DLGAP1: variants seen among roughly 807,000 people sequenced by gnomAD.
The protein encoded by DLGAP1 is DLG associated protein 1.
In DLGAP1, 11 loss-of-function variants were observed where a neutral mutation model predicts 90.8. That is an observed-to-expected ratio of 0.12 (90% confidence interval 0.08 to 0.20). The LOEUF is 0.20. Ranked by LOEUF, DLGAP1 falls within the 10% of genes least tolerant of loss-of-function variation. DLGAP1 has a pLI of 1.00. For synonymous variants in DLGAP1, 558 were observed against 540.7 expected (o/e 1.03, Z -0.44); for missense variants, 1,050 against 1,333.8 (o/e 0.79, Z 3.31).
rs572270491 is a variant in DLGAP1 at position 3,645,612 on chromosome 18, A to T, written c.1592-63364T>A. Among the ~76,000 whole-genome samples, 3 of 152,120 alleles carry T rather than the reference A, an allele frequency of 2.0e-5. No individual in the cohort carries two copies. The South Asian group carries it at 6.2e-4, about 32-fold the overall frequency. On this transcript the variant is annotated intron_variant, in intron 7 of 12. Transcript: ENST00000315677. ...TCTGCATAGCTTGCAAAACCTAGAC[A>T]TGTGCACTGGGGCATCCTTCTGATC...
At chr18:3,884,874 TA>T (rs1035294235) in intron 3 of DLGAP1, among the ~76,000 whole-genome samples, 33 of 152,306 alleles carry the variant, frequency 2.2e-4, no homozygotes, top group Admixed American at 5.2e-4. Context: ...AAGAAGGTCA[TA>T]AAAAATGGCA....
At chr18:4,072,412 A>T (rs962222833) in intron 2 of DLGAP1, among the ~76,000 whole-genome samples, 1 of 151,828 alleles carries the variant, frequency 6.6e-6, no homozygotes, top group African/African-American at 2.4e-5. Context: ...CATCAGCATC[A>T]TCATTTTCAT....
chr18:4,053,723 T>C (rs1598312362), intron 2 of DLGAP1, among the ~76,000 whole-genome samples: 1 of 152,160 alleles, frequency 6.6e-6, no homozygotes, highest in East Asian at 1.9e-4. Context: ...GTGAGCCAAT[T>C]AAACCTCTTA....
At position 3,499,167 on chromosome 18, in the gene DLGAP1, G is replaced by A. The variant is rs768857494; in HGVS notation, c.*18C>T. Reference sequence around the variant, plus strand: ...GAGGGGACAGATGCTTGGCGGCGGCGGCCGGGCTGCGGGGCGCTCAGAGCC... The same window carrying A: ...GAGGGGACAGATGCTTGGCGGCGGCAGCCGGGCTGCGGGGCGCTCAGAGCC... On this transcript the variant is annotated 3_prime_UTR_variant, in exon 13 of 13. Transcript: ENST00000315677. This position sits in a 1 kb window ranked among gnomAD's most constrained non-coding sequence, Gnocchi z 6.4. The A allele has an allele frequency of 1.3e-6, 2 of 1,539,638 alleles. No individual in the cohort carries two copies. The highest frequency in any genetic ancestry group is 1.7e-6 in the Non-Finnish European group (2 of 1,150,698).
chr18:4,016,806 G>T (rs2074530949), intron 2 of DLGAP1, among the ~76,000 whole-genome samples: 1 of 152,180 alleles, frequency 6.6e-6, no homozygotes, highest in African/African-American at 2.4e-5. Context: ...CAGGGTCAGT[G>T]CCTTACTTCC....
At chr18:4,376,847 C>T (rs762996226) in intron 1 of DLGAP1, among the ~76,000 whole-genome samples, 46 of 152,110 alleles carry the variant, frequency 3.0e-4, no homozygotes, top group Non-Finnish European at 5.6e-4. Context: ...TCGAACTTGG[C>T]ATTGTGCATT....
At chr18:3,894,992 C>T (rs78494631) in intron 3 of DLGAP1, among the ~76,000 whole-genome samples, 3,786 of 152,208 alleles carry the variant, frequency 0.025, 158 homozygotes, top group African/African-American at 0.085. Context: ...TTTATACTTG[C>T]TATGGTTTTT....
chr18:3,851,683 A>G (rs1428429817), intron 4 of DLGAP1, among the ~76,000 whole-genome samples: 3 of 152,212 alleles, frequency 2.0e-5, no homozygotes, highest in Admixed American at 2.0e-4. Flanking sequence ...GTAAAAAAAT[A>G]AAAGAAACAT....
chr18:4,340,617 A>G (rs886068675), intron 1 of DLGAP1, among the ~76,000 whole-genome samples: 2 of 132,468 alleles, frequency 1.5e-5, no homozygotes, highest in African/African-American at 6.0e-5. Flanking sequence ...TGTTATTAAG[A>G]AAAAAAAAAC....
chr18:3,566,768 T>C (rs1568208603), intron 9 of DLGAP1, among the ~76,000 whole-genome samples: 1 of 152,174 alleles, frequency 6.6e-6, no homozygotes, highest in African/African-American at 2.4e-5. Context: ...CAGCCAACAT[T>C]TGCTGTATAT....
At chr18:4,238,515 T>A (rs1164993882) in intron 1 of DLGAP1, among the ~76,000 whole-genome samples, 1 of 152,210 alleles carries the variant, frequency 6.6e-6, no homozygotes, top group East Asian at 1.9e-4. Context: ...ATTTTTTAAC[T>A]ATGTAAATAC....
At chr18:3,958,622 CAA>C (rs11342881) in intron 3 of DLGAP1, among the ~76,000 whole-genome samples, 243 of 123,522 alleles carry the variant, frequency 2.0e-3, no homozygotes, top group East Asian at 5.9e-3. Context: ...ATCCTCTTTA[CAA>C]AAAAAAAAAA....
At chr18:4,234,873 G>T (rs2078374183) in intron 1 of DLGAP1, among the ~76,000 whole-genome samples, 1 of 152,080 alleles carries the variant, frequency 6.6e-6, no homozygotes. Context: ...TAGTTTAAAA[G>T]AAGTAAAAGA....
chr18:3,666,843 A>T (rs1403925359), intron 7 of DLGAP1, among the ~76,000 whole-genome samples: 2 of 151,964 alleles, frequency 1.3e-5, no homozygotes, highest in Non-Finnish European at 2.9e-5. Flanking sequence ...TGCAATCTTG[A>T]ACTCCTAGGC....
chr18:3,846,990 G>T (rs2069052425), intron 4 of DLGAP1, among the ~76,000 whole-genome samples: 2 of 152,156 alleles, frequency 1.3e-5, no homozygotes, highest in African/African-American at 4.8e-5. Context: ...ATTTGTGAAT[G>T]TTAAATTAAC....
At chr18:4,302,921 ATTTCT>A (rs1292845670) in intron 1 of DLGAP1, among the ~76,000 whole-genome samples, 2 of 151,848 alleles carry the variant, frequency 1.3e-5, no homozygotes, top group African/African-American at 4.8e-5. Context: ...TCCAGTGTTT[ATTTCT>A]TTTATTTTTT....
At chr18:3,655,108 C>T (rs938449492) in intron 7 of DLGAP1, among the ~76,000 whole-genome samples, 1 of 152,136 alleles carries the variant, frequency 6.6e-6, no homozygotes. Flanking sequence ...CACTCCCCAC[C>T]TCCATGCATT....
intron 8 of DLGAP1, among the ~76,000 whole-genome samples, chr18:3,569,537 T>C (rs973971732): frequency 6.6e-6 from 1 of 152,038 alleles, no homozygotes; most frequent in Non-Finnish European, 1.5e-5. Flanking sequence ...ATCCAGCTTT[T>C]ATGGTTTGGA....
At chr18:3,891,492 G>T (rs1439454584) in intron 3 of DLGAP1, among the ~76,000 whole-genome samples, 1 of 152,072 alleles carries the variant, frequency 6.6e-6, no homozygotes, top group Non-Finnish European at 1.5e-5. Context: ...GGGTCTCCTG[G>T]TTCTGTTCCA....
Sources: gnomAD v4.1 joint callset for allele counts (sites outside exome capture counted in the v4.1 genomes callset) on GRCh38, gnomAD v4.1.1 for gene constraint, Gnocchi (gnomAD v3.1) non-coding constraint, MANE v1.5 for transcripts, NCBI Gene and HGNC (gene_info 2026-07-23, HGNC 2026-07-21) for gene names.